The following SULF1 variants were observed in gnomAD, a reference collection of about 807,000 sequenced individuals.
SULF1 encodes the protein extracellular sulfatase Sulf-1.
SULF1 carries 46 observed loss-of-function variants against 110.5 expected under a neutral mutation model. The ratio of observed to expected loss-of-function variants is 0.42; its 90% CI spans 0.33 to 0.53. The LOEUF is 0.53. Among genes scored for constraint, SULF1 ranks in the 20% least tolerant of loss-of-function variants. SULF1 has a pLI of 0.12. For missense variants in SULF1, 941 were observed against 1,094.2 expected (o/e 0.86, Z 1.98); for synonymous variants, 371 against 387.1 (o/e 0.96, Z 0.49).
upstream of SULF1, among the ~76,000 whole-genome samples, chr8:69,489,072 C>A (rs997244861): frequency 3.3e-5 from 5 of 152,100 alleles, no homozygotes; most frequent in Non-Finnish European, 5.9e-5. Context: ...GGGGAGCTCA[C>A]AGTTAGGCCT....
chr8:69,642,449 C>G (rs1282722903), intron 22 of SULF1: 1 of 959,386 alleles, frequency 1.0e-6, no homozygotes, highest in Non-Finnish European at 1.2e-6. Context: ...TCTTAACTGT[C>G]CTCAATCTGC....
intron 3 of SULF1, among the ~76,000 whole-genome samples, chr8:69,557,780 A>C (rs1209116289): frequency 6.6e-6 from 1 of 152,210 alleles, no homozygotes; most frequent in Non-Finnish European, 1.5e-5. Flanking sequence ...TTCCAATTTC[A>C]AGATTCACAG....
At chr8:69,622,028 C>T (rs1371499827) in intron 14 of SULF1, among the ~76,000 whole-genome samples, 1 of 152,194 alleles carries the variant, frequency 6.6e-6, no homozygotes, top group African/African-American at 2.4e-5. Flanking sequence ...TACACTAGAA[C>T]AATGGAAGCC....
chr8:69,533,686 C>G (rs1813254346), intron 3 of SULF1, among the ~76,000 whole-genome samples: 1 of 152,080 alleles, frequency 6.6e-6, no homozygotes, highest in Non-Finnish European at 1.5e-5. Flanking sequence ...CATGTTTTTG[C>G]TATTGTAAAT....
At chr8:69,483,314 T>C (rs1338455062) in intron 1 of SULF1, among the ~76,000 whole-genome samples, 1 of 152,186 alleles carries the variant, frequency 6.6e-6, no homozygotes, top group East Asian at 1.9e-4. Flanking sequence ...ATACTACTTA[T>C]TGCAAACTGT....
At chr8:69,642,998 T>G (rs1335530616) in intron 22 of SULF1, among the ~76,000 whole-genome samples, 2 of 152,156 alleles carry the variant, frequency 1.3e-5, no homozygotes. Flanking sequence ...TGTTACCTGT[T>G]GCTTTTTTTT....
intron 3 of SULF1, among the ~76,000 whole-genome samples, chr8:69,553,860 TAA>T (rs1405953396): frequency 6.6e-6 from 1 of 152,216 alleles, no homozygotes; most frequent in East Asian, 1.9e-4. Flanking sequence ...CAAATATTAT[TAA>T]AGATTGCTTT....
At chr8:69,469,604 G>T (rs1809000206) in intron 1 of SULF1, among the ~76,000 whole-genome samples, 1 of 152,228 alleles carries the variant, frequency 6.6e-6, no homozygotes, top group Admixed American at 6.5e-5. Flanking sequence ...ACTTCATGCA[G>T]ATTGTTGTAG....
chr8:69,517,616 G>A (rs1812020088), intron 3 of SULF1, among the ~76,000 whole-genome samples: 1 of 152,156 alleles, frequency 6.6e-6, no homozygotes, highest in Non-Finnish European at 1.5e-5. Flanking sequence ...GATGGAAGAG[G>A]CCCAGTAAGA....
At position 69,600,736 on chromosome 8, in the gene SULF1, G is replaced by A; in HGVS notation, c.868G>A (p.Asp290Asn). Residue 290 changes from aspartate to asparagine, a missense_variant, in exon 9 of 23, where the codon GAT becomes AAT. Asp to Asn is a conservative substitution (Grantham distance 23). Transcript: ENST00000402687. ...RKRLQTLMSVDDSVERLYNML... is the reference protein window; with the variant it reads ...RKRLQTLMSVNDSVERLYNML... ...AAGGCTCCAGACTTTGATGTCAGTG[G>A]ATGATTCTGTGGAGAGGGTAAGCAC... 6.2e-7 allele frequency: 1 copy of A among 1,613,938 alleles called. No homozygotes were observed. The highest frequency in any genetic ancestry group is 8.5e-7 in the Non-Finnish European group (1 of 1,179,878).
At chr8:69,569,663 G>A (rs959760062) in intron 5 of SULF1, among the ~76,000 whole-genome samples, 1 of 152,180 alleles carries the variant, frequency 6.6e-6, no homozygotes, top group African/African-American at 2.4e-5. Context: ...ATACCTGGCT[G>A]CCTTCACTTG....
At chr8:69,595,347 T>C (rs1054920245) in intron 8 of SULF1, among the ~76,000 whole-genome samples, 7 of 152,236 alleles carry the variant, frequency 4.6e-5, no homozygotes, top group African/African-American at 1.4e-4. Flanking sequence ...TGAACAATTC[T>C]ATCCATTTGC....
intron 3 of SULF1, among the ~76,000 whole-genome samples, chr8:69,558,797 C>CAAATTTATTTA (rs1815285863): frequency 6.6e-6 from 1 of 152,204 alleles, no homozygotes; most frequent in South Asian, 2.1e-4. Flanking sequence ...ATTGAAGACC[C>CAAATTTATTTA]TTGCCCCAAC....
At chr8:69,615,195 CA>C (rs1472876644) in intron 13 of SULF1, among the ~76,000 whole-genome samples, 3 of 152,042 alleles carry the variant, frequency 2.0e-5, no homozygotes, top group Non-Finnish European at 4.4e-5. Flanking sequence ...TCCTGCAATG[CA>C]AAAAACATCC....
intron 3 of SULF1, among the ~76,000 whole-genome samples, chr8:69,513,085 T>G (rs1437987476): frequency 2.6e-5 from 4 of 152,238 alleles, no homozygotes; most frequent in African/African-American, 7.2e-5. Context: ...TGTCTATTTA[T>G]TCTTAGATTT....
At chr8:69,645,510 C>T (rs1327701994) in intron 22 of SULF1, among the ~76,000 whole-genome samples, 1 of 152,210 alleles carries the variant, frequency 6.6e-6, no homozygotes, top group Non-Finnish European at 1.5e-5. Context: ...ACAGGGAGTG[C>T]AGTCTGGTGT....
chr8:69,568,003 T>A (rs1816020910), intron 5 of SULF1, among the ~76,000 whole-genome samples: 1 of 152,228 alleles, frequency 6.6e-6, no homozygotes, highest in South Asian at 2.1e-4. Context: ...CACTTGTTAT[T>A]TTCTGGTTTT....
chr8:69,606,709 G>A (rs1040593098), intron 13 of SULF1, among the ~76,000 whole-genome samples: 2 of 152,156 alleles, frequency 1.3e-5, no homozygotes, highest in Non-Finnish European at 1.5e-5. Context: ...TTTCACTCAC[G>A]AGCTGAATGC....
At chr8:69,473,744 T>C (rs1809190385) in intron 1 of SULF1, among the ~76,000 whole-genome samples, 1 of 152,232 alleles carries the variant, frequency 6.6e-6, no homozygotes, top group South Asian at 2.1e-4. Flanking sequence ...TGCTCTTCTT[T>C]GTTTTGCTCT....
Sources: gnomAD v4.1 joint callset for allele counts (sites outside exome capture counted in the v4.1 genomes callset) on GRCh38, gnomAD v4.1.1 for gene constraint, MANE v1.5 for transcripts, NCBI Gene and HGNC (gene_info 2026-07-23, HGNC 2026-07-21) for gene names.